Variants in MAGI2 observed in about 807,000 individuals in gnomAD.
The protein encoded by MAGI2 is membrane-associated guanylate kinase, WW and PDZ domain-containing protein 2.
In MAGI2, 35 loss-of-function variants were observed where a neutral mutation model predicts 133.3. The ratio of observed to expected loss-of-function variants is 0.26; its 90% CI spans 0.20 to 0.35. The LOEUF (loss-of-function observed/expected upper bound fraction) is 0.35. MAGI2 is among the 10% of genes least tolerant of loss of function. The pLI, the probability that MAGI2 is intolerant of heterozygous loss-of-function variation, is 1.00. For missense variants in MAGI2, 1,636 were observed against 1,863.4 expected (o/e 0.88, Z 2.25); for synonymous variants, 729 against 710.6 (o/e 1.03, Z -0.41).
intron 10 of MAGI2, among the ~76,000 whole-genome samples, chr7:78,238,627 A>G (rs1790807947): frequency 1.3e-5 from 2 of 152,048 alleles, no homozygotes. Context: ...TATATTTACA[A>G]TCCATTTCTT....
chr7:79,431,103 A>T (rs1039304170), intron 1 of MAGI2, among the ~76,000 whole-genome samples: 8 of 152,350 alleles, frequency 5.3e-5, no homozygotes, highest in African/African-American at 1.4e-4. Flanking sequence ...TGATGCTGCT[A>T]GGCAAGATGA....
At chr7:78,206,290 C>CTTTTTT (rs774941321) in intron 10 of MAGI2, among the ~76,000 whole-genome samples, 2 of 111,248 alleles carry the variant, frequency 1.8e-5, no homozygotes, top group Non-Finnish European at 1.9e-5. Context: ...TTTCCTTTTC[C>CTTTTTT]TTTCTTTTTT....
intron 3 of MAGI2, among the ~76,000 whole-genome samples, chr7:78,557,582 A>T (rs1163671065): frequency 6.6e-6 from 1 of 152,164 alleles, no homozygotes; most frequent in East Asian, 1.9e-4. Context: ...CTCTTCTAGC[A>T]AGCTCCTGAC....
At chr7:78,529,061 A>G (rs1035681343) in intron 3 of MAGI2, among the ~76,000 whole-genome samples, 6 of 152,206 alleles carry the variant, frequency 3.9e-5, no homozygotes, top group African/African-American at 1.4e-4. Flanking sequence ...TGTAAATTAA[A>G]TTAACGCTGG....
intron 9 of MAGI2, among the ~76,000 whole-genome samples, chr7:78,327,621 A>C (rs1452619302): frequency 1.3e-5 from 2 of 152,148 alleles, no homozygotes; most frequent in Non-Finnish European, 2.9e-5. Context: ...GGGAGCCCCC[A>C]CAGTAGCACT....
At position 79,093,248 on chromosome 7, in the gene MAGI2, C is replaced by T. The variant is rs1184945302; in HGVS notation, c.302-86042G>A. 2.0e-5 allele frequency among the ~76,000 whole-genome samples: 3 copies of T among 151,248 alleles called. No homozygotes were observed. In the East Asian group the frequency reaches 5.8e-4, roughly 29 times the overall value. ...AAACTGAGTCCTAGGCTCAGAGTAACTAGCAGTAATACCCAGAGGCACAAT... is the reference window on the plus strand; with the variant it reads ...AAACTGAGTCCTAGGCTCAGAGTAATTAGCAGTAATACCCAGAGGCACAAT... On this transcript the variant is annotated intron_variant, in intron 1 of 21. Coordinates refer to ENST00000354212, the MANE Select transcript of MAGI2 (RefSeq NM_012301.4).
chr7:78,045,004 T>C, intron 21 of MAGI2, among the ~76,000 whole-genome samples: 1 of 151,994 alleles, frequency 6.6e-6, no homozygotes, highest in East Asian at 1.9e-4. Flanking sequence ...CCGTCTCTAC[T>C]AGAAATACAA....
chr7:79,271,649 T>C (rs902932931), intron 1 of MAGI2, among the ~76,000 whole-genome samples: 2 of 147,148 alleles, frequency 1.4e-5, no homozygotes, highest in Non-Finnish European at 3.0e-5. Context: ...TGCAGGATGC[T>C]TGCTATGGTG....
At chr7:79,214,848 T>A (rs1829886486) in intron 1 of MAGI2, among the ~76,000 whole-genome samples, 1 of 144,514 alleles carries the variant, frequency 6.9e-6, no homozygotes, top group Non-Finnish European at 1.5e-5. Flanking sequence ...ATAAAATTTA[T>A]AAATTTATAA....
chr7:78,404,202 A>G (rs1396685964), intron 6 of MAGI2, among the ~76,000 whole-genome samples: 1 of 152,232 alleles, frequency 6.6e-6, no homozygotes, highest in African/African-American at 2.4e-5. Flanking sequence ...TTCCATGCTC[A>G]TGGATAGGAA....
chr7:78,701,727 C>T (rs551039489), intron 2 of MAGI2, among the ~76,000 whole-genome samples: 3 of 151,840 alleles, frequency 2.0e-5, no homozygotes, highest in African/African-American at 4.8e-5. Flanking sequence ...TGGCCTCATA[C>T]GGGTTAATAA....
intron 1 of MAGI2, among the ~76,000 whole-genome samples, chr7:79,279,989 T>C (rs1219745373): frequency 6.6e-6 from 1 of 152,206 alleles, no homozygotes; most frequent in East Asian, 1.9e-4. Context: ...GTCTGGAATA[T>C]AAAGGAAACT....
chr7:78,726,275 GTGTAAAACATT>G lies in MAGI2; in HGVS notation c.419-99047_419-99037del, dbSNP rs563194290. ...TGCCATTTATTTGTAACTTAAATGT[GTGTAAAACATT>G]TGTAAAACTAAATGTTATCAAAGGT... On this transcript the variant is annotated intron_variant, in intron 2 of 21. Transcript: ENST00000354212. Among the ~76,000 whole-genome samples the G allele has an allele frequency of 5.3e-5, 8 of 152,280 alleles. No individual in the cohort carries two copies. In the South Asian group the frequency reaches 1.7e-3, roughly 32 times the overall value.
In MAGI2 at chr7:78,408,691, A is replaced by G. The variant is rs377281922; in HGVS notation, c.1046-39478T>C. ...AGCTGGTTTAAATTGCGATGTGCTG[A>G]AAAGTAGAAAATACACATCAAATTT... On this transcript the variant is annotated intron_variant, in intron 6 of 21. Transcript: ENST00000354212. 2.6e-4 allele frequency among the ~76,000 whole-genome samples: 40 copies of G among 152,238 alleles called. No individual in the cohort carries two copies. The East Asian group carries it at 2.9e-3, about 11-fold the overall frequency.
At chr7:79,092,692 T>A (rs937280283) in intron 1 of MAGI2, among the ~76,000 whole-genome samples, 1 of 152,180 alleles carries the variant, frequency 6.6e-6, no homozygotes, top group Non-Finnish European at 1.5e-5. Flanking sequence ...CATAAACCAA[T>A]AATTATTTTC....
intron 1 of MAGI2, among the ~76,000 whole-genome samples, chr7:79,294,400 C>T (rs573517963): frequency 1.3e-5 from 2 of 151,536 alleles, no homozygotes; most frequent in East Asian, 3.9e-4. Flanking sequence ...CATTAACAGG[C>T]CCCCATCTCA....
intron 2 of MAGI2, among the ~76,000 whole-genome samples, chr7:78,649,888 A>G (rs911925419): frequency 2.6e-5 from 4 of 152,138 alleles, no homozygotes; most frequent in African/African-American, 9.7e-5. Context: ...AAATGAGAAA[A>G]TATTTTTAAA....
At chr7:78,030,296 G>A (rs1156748737) in intron 21 of MAGI2, among the ~76,000 whole-genome samples, 7 of 152,052 alleles carry the variant, frequency 4.6e-5, no homozygotes, top group South Asian at 2.1e-4. Context: ...ATGGAGTCTC[G>A]CTCTGTCACC....
chr7:78,318,087 C>T (rs1299030885), intron 9 of MAGI2, among the ~76,000 whole-genome samples: 1 of 152,128 alleles, frequency 6.6e-6, no homozygotes, highest in African/African-American at 2.4e-5. Flanking sequence ...CACAACTCCT[C>T]ACCAGCAAGG....
Sources: allele counts gnomAD v4.1 joint callset (sites outside exome capture counted in the v4.1 genomes callset), GRCh38; gene constraint gnomAD v4.1.1; transcripts MANE v1.5; gene names NCBI Gene and HGNC (gene_info 2026-07-23, HGNC 2026-07-21).